The following RALGAPA1 variants were observed in gnomAD, a reference collection of about 807,000 sequenced individuals.
RALGAPA1 encodes the protein ral GTPase-activating protein subunit alpha-1.
RALGAPA1 carries 52 observed loss-of-function variants against 269.6 expected under a neutral mutation model. The observed-to-expected ratio is 0.19, with a 90% CI of 0.15 to 0.24. The LOEUF (loss-of-function observed/expected upper bound fraction) is 0.24. Among genes scored for constraint, RALGAPA1 ranks in the 10% least tolerant of loss-of-function variants. The probability of loss-of-function intolerance (pLI) is 1.00; values close to 1 mark genes in which losing one functional copy is unlikely to be tolerated. For synonymous variants in RALGAPA1, 817 were observed against 1,008.3 expected (o/e 0.81, Z 3.60); for missense variants, 1,917 against 3,013.9 (o/e 0.64, Z 8.52).
chr14:35,541,451 C>T (rs748905137), intron 41 of RALGAPA1, among the ~76,000 whole-genome samples: 1 of 152,174 alleles, frequency 6.6e-6, no homozygotes, highest in African/African-American at 2.4e-5. Context: ...TGCCCTTCTT[C>T]TCAAAGTAAC....
intron 26 of RALGAPA1, among the ~76,000 whole-genome samples, chr14:35,666,969 G>T (rs917734473): frequency 2.0e-5 from 3 of 152,138 alleles, no homozygotes; most frequent in African/African-American, 7.2e-5. Flanking sequence ...GAGATTTATA[G>T]TCTAAGTACT....
intron 39 of RALGAPA1, among the ~76,000 whole-genome samples, chr14:35,559,584 T>C (rs1290121704): frequency 6.6e-6 from 1 of 152,244 alleles, no homozygotes; most frequent in Middle Eastern, 3.2e-3. Flanking sequence ...TAGGGAATAC[T>C]GTACTTTGTC....
Position 35,689,503 on chromosome 14 carries a change from T to C in RALGAPA1, c.2908A>G (p.Ile970Val), listed in dbSNP as rs1371049110. ...AATCTTTCACCCCTATTTACTGCAATAGTCACTTCCTGAGAAGCTGGGTCT... is the reference window on the plus strand; with the variant it reads ...AATCTTTCACCCCTATTTACTGCAACAGTCACTTCCTGAGAAGCTGGGTCT... The part of the protein sequence containing the change: ...GKDPASQEVT[I>V]AVNRGERLSL... Residue 970 changes from isoleucine (I) to valine (V), a missense_variant, in exon 18 of 42, where the codon ATT becomes GTT. Transcript: ENST00000680220. 8.1e-7 allele frequency: 1 copy of C among 1,238,496 alleles called. No individual in the cohort carries two copies. 76.7% of individuals were successfully genotyped at this position (1,238,496 alleles called of 1,614,324 possible).
intron 22 of RALGAPA1, chr14:35,677,565 CTTGA>C (rs913085579): frequency 3.2e-5 from 5 of 156,258 alleles, no homozygotes; most frequent in South Asian, 3.9e-4. Flanking sequence ...TCACTGAAAG[CTTGA>C]TTAACAAGTG....
intron 31 of RALGAPA1, among the ~76,000 whole-genome samples, chr14:35,638,572 C>G (rs1006906195): frequency 6.6e-6 from 1 of 151,912 alleles, no homozygotes; most frequent in Non-Finnish European, 1.5e-5. Context: ...GGATGAGAAG[C>G]CTGAAAAACA....
chr14:35,685,544 A>T (rs1422230983), intron 19 of RALGAPA1, among the ~76,000 whole-genome samples: 1 of 152,050 alleles, frequency 6.6e-6, no homozygotes, highest in Admixed American at 6.6e-5. Flanking sequence ...GCCTAAAAAG[A>T]AAGGGGCGGG....
rs372311433 is a variant in RALGAPA1, at chr14:35,661,091, A to G, written c.5329-1895T>C. On this transcript the variant is annotated intron_variant, in intron 27 of 41. Transcript: ENST00000680220. Reference sequence around the variant, plus strand: ...GTGATTACAGGTACTGGTACTGTACACTTGAAACCTGCTAAGACAGTAGAT... The same window carrying G: ...GTGATTACAGGTACTGGTACTGTACGCTTGAAACCTGCTAAGACAGTAGAT... Among the ~76,000 whole-genome samples, 7 of 151,864 alleles carry G rather than the reference A, an allele frequency of 4.6e-5. No homozygotes were observed. In the East Asian group the frequency reaches 1.2e-3, roughly 25 times the overall value.
chr14:35,595,968 T>G (rs1038758036), intron 36 of RALGAPA1, among the ~76,000 whole-genome samples, 179 bp from the exon 37 acceptor site: 2 of 152,088 alleles, frequency 1.3e-5, no homozygotes, highest in Non-Finnish European at 2.9e-5. Flanking sequence ...TTTTAAGTAT[T>G]TGAGGATTTC....
At chr14:35,720,055 A>G (rs1321144419) in intron 16 of RALGAPA1, among the ~76,000 whole-genome samples, 1 of 152,236 alleles carries the variant, frequency 6.6e-6, no homozygotes, top group African/African-American at 2.4e-5. Flanking sequence ...CCCGGCCAAC[A>G]ATTCTTAATA....
intron 10 of RALGAPA1, among the ~76,000 whole-genome samples, chr14:35,744,371 C>CAA (rs34442349): frequency 0.014 from 1,955 of 139,444 alleles, 21 homozygotes; most frequent in Non-Finnish European, 0.021. Context: ...GACTCCATCT[C>CAA]AAAAAAAAAA....
At chr14:35,557,942 C>G (rs764475318) in intron 39 of RALGAPA1, among the ~76,000 whole-genome samples, 149 of 152,040 alleles carry the variant, frequency 9.8e-4, no homozygotes, top group Non-Finnish European at 9.3e-4. Context: ...TCTATGGGGT[C>G]AGAATCCCTG....
intron 35 of RALGAPA1, among the ~76,000 whole-genome samples, chr14:35,624,019 G>A (rs1215592513): frequency 2.0e-5 from 3 of 151,470 alleles, no homozygotes; most frequent in Admixed American, 6.6e-5. Context: ...CCCGGGAGGC[G>A]GAGGTTGCAG....
intron 4 of RALGAPA1, among the ~76,000 whole-genome samples, chr14:35,765,180 T>C (rs971823943): frequency 2.6e-5 from 4 of 152,194 alleles, no homozygotes; most frequent in African/African-American, 7.2e-5. Flanking sequence ...TTCCTTTTCA[T>C]TCATCCATTT....
At chr14:35,607,832 C>T (rs1000258110) in intron 35 of RALGAPA1, among the ~76,000 whole-genome samples, 3 of 152,154 alleles carry the variant, frequency 2.0e-5, no homozygotes, top group South Asian at 2.1e-4. Context: ...AATCAGGAAA[C>T]GAGACAGCCA....
intron 30 of RALGAPA1, among the ~76,000 whole-genome samples, chr14:35,653,374 G>C (rs2062972227): frequency 6.6e-6 from 1 of 152,200 alleles, no homozygotes; most frequent in African/African-American, 2.4e-5. Flanking sequence ...AGGGAGAGCA[G>C]ATAGCGATTT....
intron 16 of RALGAPA1, among the ~76,000 whole-genome samples, chr14:35,715,153 C>A (rs2068702784): frequency 6.6e-6 from 1 of 151,550 alleles, no homozygotes; most frequent in South Asian, 2.1e-4. Context: ...TGAAATACTG[C>A]CTCTCCTTCA....
intron 12 of RALGAPA1, among the ~76,000 whole-genome samples, chr14:35,731,695 G>C (rs1473948170): frequency 1.3e-5 from 2 of 152,030 alleles, no homozygotes; most frequent in Non-Finnish European, 2.9e-5. Flanking sequence ...AAAGAAAAAA[G>C]AATAAGAAAA....
intron 1 of RALGAPA1, among the ~76,000 whole-genome samples, chr14:35,781,044 A>AC (rs771419218): frequency 2.5e-4 from 38 of 151,920 alleles, no homozygotes; most frequent in Middle Eastern, 3.4e-3. Flanking sequence ...AGAAATAGAG[A>AC]CCCCCCAAAA....
intron 4 of RALGAPA1, chr14:35,767,006 C>T: frequency 2.8e-6 from 1 of 361,940 alleles, no homozygotes; most frequent in Non-Finnish European, 5.4e-6. Context: ...AGCCAGATGG[C>T]TTGAAAAACA....
Sources: gnomAD v4.1 joint callset for allele counts (sites outside exome capture counted in the v4.1 genomes callset) on GRCh38, gnomAD v4.1.1 for gene constraint, MANE v1.5 for transcripts, NCBI Gene and HGNC (gene_info 2026-07-23, HGNC 2026-07-21) for gene names.